XRCC4: variants seen among roughly 807,000 people sequenced by gnomAD.
XRCC4 encodes the protein DNA repair protein XRCC4.
Under a neutral mutation model 39.1 loss-of-function variants are expected in XRCC4, and 28 were observed. The observed-to-expected ratio is 0.72, with a 90% CI of 0.53 to 0.98. XRCC4 has a LOEUF of 0.98. Among genes scored for constraint, XRCC4 ranks in the 50% least tolerant of loss-of-function variants. XRCC4 has a pLI of 0.00. For synonymous variants in XRCC4, 123 were observed against 126.4 expected, an observed-to-expected ratio of 0.97 and a Z score of 0.18; for missense variants, 350 against 376.4, an observed-to-expected ratio of 0.93 and a Z score of 0.58.
intron 7 of XRCC4, among the ~76,000 whole-genome samples, chr5:83,311,826 T>C (rs187804134): frequency 2.7e-4 from 41 of 152,196 alleles, no homozygotes; most frequent in Admixed American, 2.2e-3. Flanking sequence ...ATTTCTTCTT[T>C]ATAATAAAGG....
At chr5:83,351,529 A>G (rs944767843) in intron 7 of XRCC4, among the ~76,000 whole-genome samples, 3 of 152,214 alleles carry the variant, frequency 2.0e-5, no homozygotes, top group African/African-American at 2.4e-5. Context: ...AAATGTATAT[A>G]TATAATAATT....
intron 1 of XRCC4, among the ~76,000 whole-genome samples, chr5:83,078,175 C>T (rs1044128169): frequency 1.1e-4 from 16 of 152,202 alleles, no homozygotes; most frequent in African/African-American, 3.9e-4. Context: ...AATGACAAGG[C>T]AACTTTTAAT....
At chr5:83,163,220 T>G (rs1050024700) in intron 3 of XRCC4, among the ~76,000 whole-genome samples, 4 of 152,192 alleles carry the variant, frequency 2.6e-5, no homozygotes, top group African/African-American at 4.8e-5. Flanking sequence ...GTGCTGAGAT[T>G]ACAGGTGTGA....
rs76295410 is a variant in XRCC4, at chr5:83,321,097, G to C, written c.894-32034G>C. On this transcript the variant is annotated intron_variant, in intron 7 of 7. Transcript: ENST00000396027. ...GTGCTGGGATTACAGGCATTAGCAAGTTATGTACATTTCTTTAGACATAAT... is the reference window on the plus strand; with the variant it reads ...GTGCTGGGATTACAGGCATTAGCAACTTATGTACATTTCTTTAGACATAAT... Among the ~76,000 whole-genome samples, 632 of 152,038 alleles carry C rather than the reference G, an allele frequency of 4.2e-3. 12 individuals are homozygous for C. In the East Asian group the frequency reaches 0.065, roughly 16 times the overall value.
At chr5:83,262,991 C>T (rs1354917843) in intron 7 of XRCC4, among the ~76,000 whole-genome samples, 1 of 126,394 alleles carries the variant, frequency 7.9e-6, no homozygotes, top group South Asian at 3.3e-4. Context: ...TATCCCTCCC[C>T]CCCTCCCCCC....
At chr5:83,370,819 G>GT in the XRCC4 span, among the ~76,000 whole-genome samples, 1 of 152,028 alleles carries the variant, frequency 6.6e-6, no homozygotes, top group African/African-American at 2.4e-5. Flanking sequence ...ACCATCATGT[G>GT]TTACCTGCAT....
At chr5:83,077,639 C>G (rs1315854827) in intron 1 of XRCC4, 24 bp downstream of exon 1, 1 of 356,986 alleles carries the variant, frequency 2.8e-6, no homozygotes, top group African/African-American at 2.1e-5. Flanking sequence ...GTGGGGCTGC[C>G]TCTTTAAATA....
chr5:83,113,087 G>A (rs1409755652), intron 3 of XRCC4, among the ~76,000 whole-genome samples: 2 of 152,130 alleles, frequency 1.3e-5, no homozygotes, highest in Non-Finnish European at 2.9e-5. Context: ...CTACCTATGA[G>A]CTTGTAAAAT....
chr5:83,175,157 T>C (rs1236442598), intron 3 of XRCC4, among the ~76,000 whole-genome samples: 1 of 152,208 alleles, frequency 6.6e-6, no homozygotes, highest in Admixed American at 6.5e-5. Context: ...TTACTACTAT[T>C]AACTCCCTCC....
At chr5:83,333,958 C>T (rs1007166311) in intron 7 of XRCC4, among the ~76,000 whole-genome samples, 9 of 151,960 alleles carry the variant, frequency 5.9e-5, no homozygotes, top group South Asian at 2.1e-4. Flanking sequence ...TTAGTAGAGA[C>T]GGGGTTTCAC....
chr5:83,305,119 G>C (rs1471799393), intron 7 of XRCC4, among the ~76,000 whole-genome samples: 1 of 151,946 alleles, frequency 6.6e-6, no homozygotes, highest in East Asian at 1.9e-4. Flanking sequence ...TTTATTTTTA[G>C]AACAGTTTTA....
At chr5:83,167,230 CT>C (rs10714065) in intron 3 of XRCC4, among the ~76,000 whole-genome samples, 77,181 of 148,216 alleles carry the variant, frequency 0.52, 20,318 homozygotes, top group South Asian at 0.62. Flanking sequence ...TGATGTTGAG[CT>C]TTTTTTTTTT....
intron 7 of XRCC4, among the ~76,000 whole-genome samples, chr5:83,310,083 G>T (rs772508325): frequency 3.9e-5 from 6 of 152,186 alleles, no homozygotes; most frequent in Non-Finnish European, 5.9e-5. Context: ...AAAAGATGTA[G>T]TCATATTTAA....
chr5:83,275,541 C>T (rs28360265), intron 7 of XRCC4, among the ~76,000 whole-genome samples: 2,882 of 152,062 alleles, frequency 0.019, 104 homozygotes, highest in African/African-American at 0.066. Flanking sequence ...GTGATCCGCC[C>T]GCCTCGGCCT....
chr5:83,192,303 T>TA (rs1350855783), intron 3 of XRCC4, among the ~76,000 whole-genome samples: 1 of 111,848 alleles, frequency 8.9e-6, no homozygotes, highest in Non-Finnish European at 1.9e-5. Flanking sequence ...TATACGTATA[T>TA]ATAATATATA....
chr5:83,223,002 C>A (rs1488482021), intron 6 of XRCC4, among the ~76,000 whole-genome samples: 3 of 152,118 alleles, frequency 2.0e-5, no homozygotes, highest in African/African-American at 4.8e-5. Flanking sequence ...CCTGCCTTGG[C>A]CTCCCAAAAT....
chr5:83,126,617 G>T (rs1045519942), intron 3 of XRCC4, among the ~76,000 whole-genome samples: 1 of 152,098 alleles, frequency 6.6e-6, no homozygotes, highest in Non-Finnish European at 1.5e-5. Flanking sequence ...GCTACTGAGA[G>T]CCCCCTTCTC....
At chr5:83,354,685 C>A (rs991498382), downstream of XRCC4, among the ~76,000 whole-genome samples, 1 of 152,152 alleles carries the variant, frequency 6.6e-6, no homozygotes, top group Admixed American at 6.5e-5. Context: ...ACCATCATTT[C>A]TTCTCCAGTC....
At chr5:83,178,199 C>T (rs539238387) in intron 3 of XRCC4, among the ~76,000 whole-genome samples, 3 of 151,954 alleles carry the variant, frequency 2.0e-5, no homozygotes, top group South Asian at 2.1e-4. Flanking sequence ...GAAATGGATG[C>T]GTTTAGTTTT....
Sources: gnomAD v4.1 joint callset for allele counts (sites outside exome capture counted in the v4.1 genomes callset) on GRCh38, gnomAD v4.1.1 for gene constraint, MANE v1.5 for transcripts, NCBI Gene and HGNC (gene_info 2026-07-23, HGNC 2026-07-21) for gene names.